The following ATP9B variants were observed in gnomAD, a reference collection of about 807,000 sequenced individuals.
ATP9B encodes the protein probable phospholipid-transporting ATPase IIB.
ATP9B carries 110 observed loss-of-function variants against 146.1 expected under a neutral mutation model. The observed-to-expected ratio is 0.75, with a 90% CI of 0.65 to 0.88. The LOEUF (loss-of-function observed/expected upper bound fraction) is 0.88, where lower values mean the gene tolerates loss of function less well. ATP9B is among the 40% of genes least tolerant of loss of function. The probability of loss-of-function intolerance (pLI) is 0.00; values close to 1 mark genes in which losing one functional copy is unlikely to be tolerated. For synonymous variants in ATP9B, 604 were observed against 569.7 expected (o/e 1.06, Z -0.86); for missense variants, 1,499 against 1,496.4 (o/e 1.00, Z -0.03).
In ATP9B at chr18:79,113,318, G is replaced by C; in HGVS notation, c.522G>C (p.Leu174Phe). The change falls in exon 4 of 30, where the codon TTG becomes TTC. Residue 174 changes from leucine to phenylalanine, a missense_variant. Transcript: ENST00000426216. ...VISCSQFVPA[L>F]KIGYLYTYWA... ...CCTGCTCACAGTTTGTACCAGCATT[G>C]AAAATAGGCTATCTCTACACCTACT... 1 of 1,597,698 alleles carries C rather than the reference G, an allele frequency of 6.3e-7. No individual in the cohort carries two copies. Among genetic ancestry groups the C allele is most frequent in the Middle Eastern group, 1.7e-4 (1 of 6,012 alleles).
At chr18:79,135,098 T>G (rs2094432600) in intron 5 of ATP9B, among the ~76,000 whole-genome samples, 1 of 152,216 alleles carries the variant, frequency 6.6e-6, no homozygotes. Context: ...TCCCCAGACC[T>G]TTGAGACTTA....
At chr18:79,160,941 T>C (rs1307953667) in intron 7 of ATP9B, among the ~76,000 whole-genome samples, 1 of 152,144 alleles carries the variant, frequency 6.6e-6, no homozygotes, top group African/African-American at 2.4e-5. Context: ...GGCTGATTTT[T>C]GTATTTTTAG....
intron 7 of ATP9B, among the ~76,000 whole-genome samples, chr18:79,156,343 G>A (rs1206335432): frequency 6.6e-6 from 1 of 152,166 alleles, no homozygotes; most frequent in African/African-American, 2.4e-5. Flanking sequence ...CAAAGAGGGA[G>A]AGCCAAAAGT....
intron 17 of ATP9B, among the ~76,000 whole-genome samples, chr18:79,331,077 C>T (rs1043401538): frequency 3.3e-5 from 5 of 152,146 alleles, no homozygotes; most frequent in African/African-American, 9.7e-5. Flanking sequence ...TATCGTTAAG[C>T]TTATGTATAA....
rs375100812 is a variant in ATP9B at position 79,197,676 on chromosome 18, A to G, written c.954+4413A>G. 7.7e-4 allele frequency among the ~76,000 whole-genome samples: 117 copies of G among 151,996 alleles called. 5 individuals carry two copies. In the South Asian group the frequency reaches 0.024, roughly 31 times the overall value. On this transcript the variant is annotated intron_variant, in intron 9 of 29. Transcript: ENST00000426216. ...AGTAGAGGTGATGAAGTTAGATGCTAAAGTGGGATCAACTGGTTTCTTTCC... is the reference window on the plus strand; with the variant it reads ...AGTAGAGGTGATGAAGTTAGATGCTGAAGTGGGATCAACTGGTTTCTTTCC...
chr18:79,133,806 G>T (rs948728875), intron 5 of ATP9B, among the ~76,000 whole-genome samples: 1 of 152,156 alleles, frequency 6.6e-6, no homozygotes, highest in African/African-American at 2.4e-5. Flanking sequence ...CACTAAAGCG[G>T]ACTGAGGTCT....
At chr18:79,110,842 T>G (rs1426660526) in intron 3 of ATP9B, among the ~76,000 whole-genome samples, 2 of 152,234 alleles carry the variant, frequency 1.3e-5, no homozygotes, top group African/African-American at 4.8e-5. Context: ...TACGTTTTGT[T>G]TGTCTGGGAA....
chr18:79,263,867 G>A (rs2096172062), intron 12 of ATP9B, among the ~76,000 whole-genome samples: 3 of 152,274 alleles, frequency 2.0e-5, no homozygotes, highest in South Asian at 2.1e-4. Flanking sequence ...GGTGGATCAC[G>A]AGGTCAGGAG....
chr18:79,098,126 C>T (rs2074959529), intron 2 of ATP9B, among the ~76,000 whole-genome samples: 1 of 151,578 alleles, frequency 6.6e-6, no homozygotes, highest in South Asian at 2.1e-4. Context: ...CTGAGAAAAA[C>T]AAGCAATGGG....
chr18:79,335,095 A>T (rs1313577130), intron 17 of ATP9B, among the ~76,000 whole-genome samples: 1 of 149,386 alleles, frequency 6.7e-6, no homozygotes, highest in East Asian at 2.0e-4. Context: ...GAAATGGCAC[A>T]GAAAGCGCAG....
chr18:79,200,448 A>C (rs2095458323), intron 9 of ATP9B, among the ~76,000 whole-genome samples: 1 of 152,228 alleles, frequency 6.6e-6, no homozygotes, highest in Non-Finnish European at 1.5e-5. Context: ...AGTGTTGAAG[A>C]ACACTATTCA....
At chr18:79,172,763 A>G (rs2095098546) in intron 7 of ATP9B, among the ~76,000 whole-genome samples, 1 of 152,272 alleles carries the variant, frequency 6.6e-6, no homozygotes, top group Non-Finnish European at 1.5e-5. Flanking sequence ...GTACCACAGC[A>G]TATTTTAAAC....
intron 26 of ATP9B, among the ~76,000 whole-genome samples, chr18:79,372,219 G>A (rs7244075): frequency 0.014 from 772 of 53,294 alleles, no homozygotes; most frequent in African/African-American, 0.055. Context: ...CTGCCCCCTC[G>A]TCCCCTGCCT....
rs182258800 is a variant in ATP9B, at chr18:79,329,970, T to C, written c.1936-42T>C. ...ACTAGCAGTTATTTGCCCCGAGCAA[T>C]GCAGCCTAAATGTGCCTCTGTTTAT... On this transcript the variant is annotated intron_variant, in intron 16 of 29. Transcript: ENST00000426216. 1.7e-4 allele frequency: 270 copies of C among 1,569,212 alleles called. 2 individuals are homozygous for C. Among genetic ancestry groups the C allele is most frequent in the Admixed American group, 1.4e-3 (86 of 59,880 alleles).
chr18:79,107,453 G>T (rs1051550821), intron 2 of ATP9B, among the ~76,000 whole-genome samples: 1 of 152,162 alleles, frequency 6.6e-6, no homozygotes, highest in Non-Finnish European at 1.5e-5. Context: ...ACTGTTGGGA[G>T]GAGGGTGACC....
At chr18:79,249,787 TA>T (rs922465390) in intron 11 of ATP9B, among the ~76,000 whole-genome samples, 5 of 152,166 alleles carry the variant, frequency 3.3e-5, no homozygotes, top group South Asian at 2.1e-4. Context: ...TGAAGTGGGT[TA>T]AAAAAATGCA....
In ATP9B at chr18:79,168,380, T is replaced by TG. The variant is rs552303601; in HGVS notation, c.779-8433_779-8432insG. ...AAATAAGTTTTGTTTTTGATTTTGT[T>TG]TTTTTTTTTTTTACATTTGTGTATT... is the stretch of plus-strand genomic sequence containing the variant. On this transcript the variant is annotated intron_variant, in intron 7 of 29. Transcript: ENST00000426216. 1.3e-4 allele frequency among the ~76,000 whole-genome samples: 19 copies of TG among 148,566 alleles called. No homozygotes were observed. The East Asian group carries it at 3.7e-3, about 29-fold the overall frequency.
At chr18:79,134,234 G>T (rs1349989186) in intron 5 of ATP9B, among the ~76,000 whole-genome samples, 1 of 152,098 alleles carries the variant, frequency 6.6e-6, no homozygotes, top group Non-Finnish European at 1.5e-5. Context: ...GGTGGTTCTT[G>T]TTCTGTCCTG....
chr18:79,144,037 A>G (rs1006159647), intron 6 of ATP9B, 177 bp downstream of exon 6: 2 of 448,744 alleles, frequency 4.5e-6, no homozygotes, highest in Middle Eastern at 5.9e-4. Context: ...TTGTTTTGCT[A>G]AAGTATATTT....
Sources: allele counts gnomAD v4.1 joint callset (sites outside exome capture counted in the v4.1 genomes callset), GRCh38; gene constraint gnomAD v4.1.1; transcripts MANE v1.5; gene names NCBI Gene and HGNC (gene_info 2026-07-23, HGNC 2026-07-21).